Variants in GABPA observed in about 807,000 individuals in gnomAD.
GABPA encodes GA binding protein transcription factor subunit alpha.
A neutral mutation model predicts 59.4 loss-of-function variants in GABPA; 4 were observed. The ratio of observed to expected loss-of-function variants is 0.07; its 90% CI spans 0.03 to 0.15. The LOEUF (loss-of-function observed/expected upper bound fraction) is 0.15, where lower values mean the gene tolerates loss of function less well. GABPA is among the 10% of genes least tolerant of loss of function. The probability of loss-of-function intolerance (pLI) is 1.00; values close to 1 mark genes in which losing one functional copy is unlikely to be tolerated. For missense variants in GABPA, 251 were observed against 543.8 expected (o/e 0.46, Z 5.36); for synonymous variants, 164 against 183.1 (o/e 0.90, Z 0.84).
chr21:25,762,054 G>C (rs1332514421), intron 6 of GABPA, among the ~76,000 whole-genome samples: 1 of 152,114 alleles, frequency 6.6e-6, no homozygotes, highest in Non-Finnish European at 1.5e-5. Context: ...GAAAACCATA[G>C]TTCTCTGCAG....
chr21:25,745,505 GT>G, intron 3 of GABPA, 151 bp downstream of exon 3: 1 of 606,824 alleles, frequency 1.6e-6, no homozygotes, highest in Non-Finnish European at 2.6e-6. Flanking sequence ...AAATAAAAAG[GT>G]TTTTAAGCAA....
chr21:25,768,378 G>T (rs1000431249), intron 9 of GABPA, among the ~76,000 whole-genome samples: 1 of 151,986 alleles, frequency 6.6e-6, no homozygotes, highest in Admixed American at 6.6e-5. Context: ...TAAAGATGAA[G>T]ACATGACTTC....
intron 4 of GABPA, among the ~76,000 whole-genome samples, chr21:25,751,164 AG>A (rs1469047674): frequency 3.9e-5 from 6 of 152,084 alleles, no homozygotes; most frequent in Non-Finnish European, 7.4e-5. Context: ...GATAAATAAA[AG>A]TATATCTTAT....
At chr21:25,761,129 A>G (rs1358951075) in intron 6 of GABPA, among the ~76,000 whole-genome samples, 1 of 152,200 alleles carries the variant, frequency 6.6e-6, no homozygotes, top group African/African-American at 2.4e-5. Context: ...GAGAGACCAC[A>G]GTTCTGGAGG....
At chr21:25,767,934 G>C (rs550266903) in intron 9 of GABPA, among the ~76,000 whole-genome samples, 1 of 152,172 alleles carries the variant, frequency 6.6e-6, no homozygotes, top group Admixed American at 6.6e-5. Context: ...CTTTTATCCT[G>C]CTAAATGTGA....
intron 2 of GABPA, among the ~76,000 whole-genome samples, chr21:25,742,995 A>G (rs956534126): frequency 1.3e-5 from 2 of 151,994 alleles, no homozygotes; most frequent in South Asian, 2.1e-4. Flanking sequence ...ACCTGGGAGC[A>G]ACTTACCTGG....
chr21:25,757,453 G>A (rs896066004), intron 5 of GABPA, among the ~76,000 whole-genome samples: 1 of 152,082 alleles, frequency 6.6e-6, no homozygotes, highest in Non-Finnish European at 1.5e-5. Context: ...GTATTTCTTA[G>A]TGTGTTGTGA....
intron 5 of GABPA, among the ~76,000 whole-genome samples, chr21:25,754,390 C>G (rs921713945): frequency 1.3e-5 from 2 of 152,080 alleles, no homozygotes; most frequent in Non-Finnish European, 2.9e-5. Flanking sequence ...TTTGCTGGAA[C>G]TCCTGTTGAA....
chr21:25,750,164 G>A (rs960276481), intron 4 of GABPA, among the ~76,000 whole-genome samples: 2 of 152,310 alleles, frequency 1.3e-5, no homozygotes, highest in African/African-American at 4.8e-5. Flanking sequence ...TACCTCGCAT[G>A]TGCAGCTCAC....
At chr21:25,752,349 G>A (rs963156552) in intron 5 of GABPA, 115 bp downstream of exon 5, 21 of 1,068,348 alleles carry the variant, frequency 2.0e-5, no homozygotes, top group Non-Finnish European at 2.7e-5. Flanking sequence ...GATGAATGTT[G>A]ATTTTCTGTA....
intron 2 of GABPA, among the ~76,000 whole-genome samples, chr21:25,743,861 GCCAA>G (rs979544258): frequency 1.3e-5 from 2 of 151,736 alleles, no homozygotes; most frequent in African/African-American, 2.4e-5. Flanking sequence ...GACCATCCTG[GCCAA>G]CATGCCAGTC....
chr21:25,735,087 C>T lies in GABPA; in HGVS notation c.-518C>T, dbSNP rs2034982860. On this transcript the variant is annotated 5_prime_UTR_variant, in exon 1 of 10. Transcript: ENST00000400075. ...AAGTGGAGGGTAAGTGCTTCCGGGT[C>T]CCCTGGCACAGCCTCCGCCATCTTT... 7.8e-6 allele frequency: 7 copies of T among 892,822 alleles called. No homozygotes were observed. Among genetic ancestry groups the T allele is most frequent in the Admixed American group, 4.1e-5 (2 of 49,044 alleles). The allele number at this position is 892,822 out of a possible 1,614,324, so 55.3% of individuals were successfully genotyped here. A position where few individuals can be genotyped will look rare whatever the true frequency, so the allele number is the denominator to read the frequency against.
chr21:25,761,421 C>G (rs888928050), intron 6 of GABPA, among the ~76,000 whole-genome samples: 1 of 152,152 alleles, frequency 6.6e-6, no homozygotes, highest in Non-Finnish European at 1.5e-5. Context: ...TCTTCAGACC[C>G]TCAAAGCTCC....
At chr21:25,761,045 TC>T (rs1186730161) in intron 6 of GABPA, among the ~76,000 whole-genome samples, 1 of 152,068 alleles carries the variant, frequency 6.6e-6, no homozygotes, top group African/African-American at 2.4e-5. Context: ...CTCAAATAGT[TC>T]CTCTTTGAGG....
intron 3 of GABPA, 105 bp downstream of exon 3, chr21:25,745,459 A>T (rs1601118231): frequency 9.4e-7 from 1 of 1,065,034 alleles, no homozygotes; most frequent in East Asian, 2.5e-5. Flanking sequence ...CTGTAAGAAG[A>T]TTTGACCTGT....
chr21:25,752,660 C>T (rs2035542854), intron 5 of GABPA, among the ~76,000 whole-genome samples: 1 of 152,018 alleles, frequency 6.6e-6, no homozygotes, highest in Non-Finnish European at 1.5e-5. Flanking sequence ...ACATTTAAGA[C>T]AGGAAATGTT....
chr21:25,748,004 C>T (rs2035411943), intron 3 of GABPA, among the ~76,000 whole-genome samples: 1 of 152,010 alleles, frequency 6.6e-6, no homozygotes, highest in Non-Finnish European at 1.5e-5. Context: ...CCTACCGGGT[C>T]TAAGCAATTT....
rs1335226332 is a variant in GABPA at position 25,769,440 on chromosome 21, T to A, written c.*208T>A. 2 of 498,524 alleles carry A rather than the reference T, an allele frequency of 4.0e-6. No homozygotes were observed. Among genetic ancestry groups the A allele is most frequent in the African/African-American group, 3.9e-5 (2 of 51,800 alleles). The allele number at this position is 498,524 out of a possible 1,614,324, so 30.9% of individuals were successfully genotyped here. On this transcript the variant is annotated 3_prime_UTR_variant, in exon 10 of 10. Transcript: ENST00000400075. Reference sequence around the variant, plus strand: ...TAGAATATGTGTATGTTAAAGGATCTCCACAATGTCTGCAGTGTGAAGGCA... The same window carrying A: ...TAGAATATGTGTATGTTAAAGGATCACCACAATGTCTGCAGTGTGAAGGCA...
intron 1 of GABPA, among the ~76,000 whole-genome samples, chr21:25,740,341 A>G (rs958620121): frequency 5.3e-5 from 8 of 152,236 alleles, no homozygotes; most frequent in African/African-American, 1.9e-4. Context: ...TCTTTTGTAA[A>G]TGTCGAAATA....
Sources: allele counts gnomAD v4.1 joint callset (sites outside exome capture counted in the v4.1 genomes callset), GRCh38; gene constraint gnomAD v4.1.1; transcripts MANE v1.5; gene names NCBI Gene and HGNC (gene_info 2026-07-23, HGNC 2026-07-21).